Variants in ME1 observed in about 807,000 individuals in gnomAD.
ME1 encodes the protein malic enzyme 1.
In ME1, 74 loss-of-function variants were observed where a neutral mutation model predicts 66.4. The ratio of observed to expected loss-of-function variants is 1.11; its 90% CI spans 0.92 to 1.35. The LOEUF (loss-of-function observed/expected upper bound fraction) is 1.35, where lower values mean the gene tolerates loss of function less well. Among genes scored for constraint, ME1 ranks in the 40% most tolerant of loss-of-function variants. The pLI is 0.00. For missense variants in ME1, 750 were observed against 694.1 expected, an observed-to-expected ratio of 1.08 and a Z score of -0.90; for synonymous variants, 251 against 235.6, an observed-to-expected ratio of 1.07 and a Z score of -0.60.
intron 6 of ME1, among the ~76,000 whole-genome samples, chr6:83,269,956 T>C (rs1767056068): frequency 6.6e-6 from 1 of 152,158 alleles, no homozygotes; most frequent in Non-Finnish European, 1.5e-5. Context: ...GCAAGAAAAA[T>C]AACCTCTGTA....
chr6:83,411,096 G>C (rs1770040425), intron 1 of ME1, among the ~76,000 whole-genome samples: 1 of 152,184 alleles, frequency 6.6e-6, no homozygotes, highest in Non-Finnish European at 1.5e-5. Context: ...ATACTCCTAT[G>C]GGCCGGGCGT....
intron 3 of ME1, among the ~76,000 whole-genome samples, chr6:83,357,964 T>C (rs1369183854): frequency 7.8e-6 from 1 of 128,402 alleles, no homozygotes; most frequent in Non-Finnish European, 1.6e-5. Flanking sequence ...TATATATATA[T>C]ATATATATAT....
intron 5 of ME1, among the ~76,000 whole-genome samples, chr6:83,326,578 T>G (rs1377716835): frequency 1.3e-5 from 2 of 151,874 alleles, no homozygotes; most frequent in Admixed American, 1.3e-4. Context: ...GGGCAAAGGA[T>G]ATGAACAGAC....
intron 8 of ME1, among the ~76,000 whole-genome samples, chr6:83,239,085 C>T (rs1419568989): frequency 6.6e-6 from 1 of 151,614 alleles, no homozygotes; most frequent in Admixed American, 6.6e-5. Flanking sequence ...ACTACAAATC[C>T]CTAATTCAAA....
intron 3 of ME1, among the ~76,000 whole-genome samples, chr6:83,387,259 TA>T (rs1368418062): frequency 6.6e-6 from 1 of 152,152 alleles, no homozygotes; most frequent in Non-Finnish European, 1.5e-5. Context: ...GCAAGAACAA[TA>T]TGAAAGTTTC....
chr6:83,334,243 T>C (rs565656213), intron 5 of ME1, among the ~76,000 whole-genome samples: 2 of 144,598 alleles, frequency 1.4e-5, no homozygotes, highest in South Asian at 2.3e-4. Context: ...CACCCGAATA[T>C]TGCGCTTTTC....
At chr6:83,394,710 T>C (rs1249013622) in intron 3 of ME1, among the ~76,000 whole-genome samples, 1 of 152,220 alleles carries the variant, frequency 6.6e-6, no homozygotes, top group African/African-American at 2.4e-5. Flanking sequence ...ACATTTCTTT[T>C]TTATCTTTAA....
At chr6:83,221,774 A>T (rs1790095680) in intron 12 of ME1, among the ~76,000 whole-genome samples, 1 of 152,192 alleles carries the variant, frequency 6.6e-6, no homozygotes. Flanking sequence ...AAAACTGGTA[A>T]CAAAAAATGA....
At chr6:83,287,967 T>C (rs543000737) in intron 6 of ME1, among the ~76,000 whole-genome samples, 1 of 152,240 alleles carries the variant, frequency 6.6e-6, no homozygotes, top group Non-Finnish European at 1.5e-5. Flanking sequence ...GAGAAGTGTC[T>C]GTCCATATCC....
At chr6:83,301,254 T>C (rs1217078868) in intron 6 of ME1, among the ~76,000 whole-genome samples, 2 of 151,762 alleles carry the variant, frequency 1.3e-5, no homozygotes, top group East Asian at 3.9e-4. Flanking sequence ...TTTCTCTTTC[T>C]TTCTTTCCCC....
chr6:83,430,805 G>A, intron 1 of ME1, 72 bp downstream of exon 1: 3 of 1,324,242 alleles, frequency 2.3e-6, no homozygotes, highest in South Asian at 1.3e-5. Context: ...GCCATGGTGC[G>A]GGGACCTGCA....
At chr6:83,224,050 T>G (rs1250734564) in intron 11 of ME1, 117 bp from the exon 12 acceptor site, 2 of 929,264 alleles carry the variant, frequency 2.2e-6, no homozygotes, top group African/African-American at 1.7e-5. Context: ...GAAGTCTAGT[T>G]TTTTATTAAC....
chr6:83,287,152 A>G (rs1767411381), intron 6 of ME1, among the ~76,000 whole-genome samples: 3 of 152,212 alleles, frequency 2.0e-5, no homozygotes, highest in Admixed American at 6.5e-5. Context: ...TCTTATCATC[A>G]TAATCTTTTT....
At chr6:83,340,082 A>C (rs1345012580) in intron 5 of ME1, among the ~76,000 whole-genome samples, 1 of 152,220 alleles carries the variant, frequency 6.6e-6, no homozygotes, top group Non-Finnish European at 1.5e-5. Flanking sequence ...GGTTATTACA[A>C]GTACATAGAA....
intron 6 of ME1, among the ~76,000 whole-genome samples, chr6:83,292,805 G>A (rs952188004): frequency 1.3e-5 from 2 of 152,156 alleles, no homozygotes; most frequent in Non-Finnish European, 2.9e-5. Flanking sequence ...CTGCCGCTTT[G>A]CTTACACTGT....
chr6:83,324,985 G>A (rs551242577), intron 5 of ME1, among the ~76,000 whole-genome samples: 11 of 140,484 alleles, frequency 7.8e-5, no homozygotes, highest in Non-Finnish European at 1.2e-4. Flanking sequence ...CTTGCAAACC[G>A]AATCCAGCAG....
At chr6:83,371,417 T>C (rs1463440344) in intron 3 of ME1, among the ~76,000 whole-genome samples, 1 of 152,170 alleles carries the variant, frequency 6.6e-6, no homozygotes, top group African/African-American at 2.4e-5. Flanking sequence ...TTCTAATGTT[T>C]TGGAAAACTG....
At chr6:83,333,953 G>C (rs923290986) in intron 5 of ME1, among the ~76,000 whole-genome samples, 6 of 151,900 alleles carry the variant, frequency 3.9e-5, no homozygotes, top group South Asian at 2.1e-4. Flanking sequence ...CCAAGTCAGG[G>C]GGGGAGGAGC....
chr6:83,343,302 CATA>C (rs1562485708), intron 5 of ME1, among the ~76,000 whole-genome samples: 1 of 152,152 alleles, frequency 6.6e-6, no homozygotes, highest in Non-Finnish European at 1.5e-5. Flanking sequence ...TTTCACTTAA[CATA>C]ATGAGTAGGT....
Sources: gnomAD v4.1 joint callset for allele counts (sites outside exome capture counted in the v4.1 genomes callset) on GRCh38, gnomAD v4.1.1 for gene constraint, MANE v1.5 for transcripts, NCBI Gene and HGNC (gene_info 2026-07-23, HGNC 2026-07-21) for gene names.